The following MRPS5 variants were observed in gnomAD, a reference collection of about 807,000 sequenced individuals.
MRPS5 encodes the protein small ribosomal subunit protein uS5m.
Under a neutral mutation model 51.9 loss-of-function variants are expected in MRPS5, and 27 were observed. The ratio of observed to expected loss-of-function variants is 0.52; its 90% CI spans 0.38 to 0.72. The LOEUF is 0.72. MRPS5 is among the 30% of genes least tolerant of loss of function. The pLI, the probability that MRPS5 is intolerant of heterozygous loss-of-function variation, is 0.00. For missense variants in MRPS5, 570 were observed against 545.7 expected (o/e 1.04, Z -0.44); for synonymous variants, 196 against 193.2 (o/e 1.01, Z -0.12).
At chr2:95,121,384 A>C (rs1676443726) in intron 1 of MRPS5, among the ~76,000 whole-genome samples, 1 of 152,226 alleles carries the variant, frequency 6.6e-6, no homozygotes, top group South Asian at 2.1e-4. Context: ...CTGGACGACA[A>C]ACCCACGTCA....
At chr2:95,100,271 G>C (rs1675757971) in intron 10 of MRPS5, among the ~76,000 whole-genome samples, 1 of 152,204 alleles carries the variant, frequency 6.6e-6, no homozygotes, top group Non-Finnish European at 1.5e-5. Context: ...TCCTGGAACA[G>C]GCCTGTGCTC....
At chr2:95,103,301 T>C (rs1358446460) in intron 7 of MRPS5, among the ~76,000 whole-genome samples, 1 of 152,080 alleles carries the variant, frequency 6.6e-6, no homozygotes, top group East Asian at 1.9e-4. Context: ...GCAAAGCATA[T>C]AACGAACAGA....
At chr2:95,107,215 T>C (rs999663847) in intron 5 of MRPS5, among the ~76,000 whole-genome samples, 2 of 152,240 alleles carry the variant, frequency 1.3e-5, no homozygotes, top group Non-Finnish European at 2.9e-5. Context: ...CTACATTGGA[T>C]AATTTGAAGC....
At position 95,121,772 on chromosome 2, in the gene MRPS5, G is replaced by T; in HGVS notation, c.20C>A (p.Ala7Asp). Residue 7 changes from alanine (A) to aspartate (D), a missense_variant, in exon 1 of 12, where the codon GCT (alanine) becomes GAT (aspartate). Transcript: ENST00000272418. ...ACACAGCACGGGGAGGCAGCCCACA[G>T]CGCGCACCGCGGTCGCCATGCTGGA... MATAVR[A>D]VGCLPVLCSG... 6.4e-7 allele frequency: 1 copy of T among 1,552,232 alleles called. No individual in the cohort carries two copies. The highest frequency in any genetic ancestry group is 8.6e-7 in the Non-Finnish European group (1 of 1,158,476).
intron 8 of MRPS5, 88 bp from the exon 9 acceptor site, chr2:95,100,982 T>G (rs531926222): frequency 1.7e-6 from 2 of 1,172,908 alleles, no homozygotes; most frequent in South Asian, 1.4e-5. Flanking sequence ...AAATGTTTCA[T>G]TATCAAAAAT....
intron 5 of MRPS5, 80 bp downstream of exon 5, chr2:95,108,095 A>C: frequency 8.1e-7 from 1 of 1,238,730 alleles, no homozygotes; most frequent in South Asian, 1.2e-5. Context: ...TAAACAGACA[A>C]GTAATAACAC....
intron 11 of MRPS5, among the ~76,000 whole-genome samples, chr2:95,088,120 T>G (rs568236931): frequency 5.5e-4 from 83 of 151,816 alleles, no homozygotes; most frequent in African/African-American, 2.0e-3. Flanking sequence ...TCAAACACAT[T>G]GTGTAAAAAA....
chr2:95,089,727 A>G (rs1675402471), intron 11 of MRPS5, among the ~76,000 whole-genome samples: 1 of 152,196 alleles, frequency 6.6e-6, no homozygotes, highest in South Asian at 2.1e-4. Context: ...CCCCAACTGA[A>G]AGGACTAAAT....
At chr2:95,093,009 G>A (rs897271816) in intron 10 of MRPS5, 3 of 152,256 alleles carry the variant, frequency 2.0e-5, no homozygotes, top group African/African-American at 7.2e-5. Context: ...CCTAAATACT[G>A]TGTCTTTCCA....
chr2:95,103,076 G>A lies in MRPS5; in HGVS notation c.764-1353C>T, dbSNP rs189597822. Among the ~76,000 whole-genome samples the A allele has an allele frequency of 4.6e-3, 693 of 152,230 alleles. 3 individuals carry two copies. Among genetic ancestry groups the A allele is most frequent in the Middle Eastern group, 0.014 (4 of 294 alleles). ...ACTAACATTTACAATCTTCAAATGA[G>A]GCTTTCTAAGCAAGACACAAACCCG... On this transcript the variant is annotated intron_variant, in intron 7 of 11. Coordinates refer to ENST00000272418, the MANE Select transcript of MRPS5 (RefSeq NM_031902.5).
chr2:95,117,719 T>C, intron 2 of MRPS5, 146 bp downstream of exon 2: 1 of 650,056 alleles, frequency 1.5e-6, no homozygotes, highest in Non-Finnish European at 2.7e-6. Context: ...AATGTGATTA[T>C]TGCAGTAAGA....
intron 10 of MRPS5, among the ~76,000 whole-genome samples, chr2:95,100,273 C>T (rs1225107363): frequency 1.3e-5 from 2 of 152,214 alleles, no homozygotes; most frequent in Admixed American, 1.3e-4. Flanking sequence ...CTGGAACAGG[C>T]CTGTGCTCAC....
chr2:95,092,902 A>T (rs957306668), intron 10 of MRPS5: 1 of 152,240 alleles, frequency 6.6e-6, no homozygotes, highest in Non-Finnish European at 1.5e-5. Context: ...AGGGCAGGGC[A>T]TCGCCTCACC....
At position 95,098,921 on chromosome 2, in the gene MRPS5, AT is replaced by A. The variant is rs772096630; in HGVS notation, c.931+1552del. On this transcript the variant is annotated intron_variant, in intron 10 of 11. Transcript: ENST00000272418. ...AGAAATAAAAATTATTATTATTATT[AT>A]TTTTTTTTTTTTTTTGAGACTAGTC... 7.1e-3 allele frequency among the ~76,000 whole-genome samples: 998 copies of A among 141,086 alleles called. 8 individuals carry two copies. The highest frequency in any genetic ancestry group is 0.022 in the African/African-American group (840 of 38,246). 92.6% of individuals were successfully genotyped at this position (141,086 alleles called of 152,430 possible).
At chr2:95,098,001 A>G (rs913841948) in intron 10 of MRPS5, among the ~76,000 whole-genome samples, 2 of 152,244 alleles carry the variant, frequency 1.3e-5, no homozygotes, top group Non-Finnish European at 2.9e-5. Flanking sequence ...CAAATTTACA[A>G]GAAAAAATCA....
At chr2:95,096,606 G>A (rs1284480637) in intron 10 of MRPS5, among the ~76,000 whole-genome samples, 1 of 152,118 alleles carries the variant, frequency 6.6e-6, no homozygotes, top group Non-Finnish European at 1.5e-5. Context: ...TATCTCAATA[G>A]ATGCAGAAAA....
rs751750305 is a variant in MRPS5 at position 95,100,479 on chromosome 2, G to T, written c.926C>A (p.Pro309His). ...KRTHIKMKKQPKGYGLRCHRA... is the reference protein window; with the variant it reads ...KRTHIKMKKQHKGYGLRCHRA... Reference sequence around the variant, plus strand: ...GGTAAGAGTTTTAAAGTTACCTTTGGGTTGTTTCTTCATCTTGATATGCGT... The same window carrying T: ...GGTAAGAGTTTTAAAGTTACCTTTGTGTTGTTTCTTCATCTTGATATGCGT... Residue 309 changes from proline (P) to histidine (H), a missense_variant, in exon 10 of 12, where the codon CCC (proline) becomes CAC (histidine). By Grantham distance (77) the Pro-to-His change is moderately conservative (BLOSUM62 -2). Transcript: ENST00000272418. 2 of 1,600,794 alleles carry T rather than the reference G, an allele frequency of 1.2e-6. No individual in the cohort carries two copies. The highest frequency in any genetic ancestry group is 1.7e-6 in the Non-Finnish European group (2 of 1,168,420).
intron 3 of MRPS5, among the ~76,000 whole-genome samples, chr2:95,113,337 G>A (rs1231400979): frequency 9.2e-5 from 14 of 151,964 alleles, no homozygotes; most frequent in Admixed American, 4.6e-4. Context: ...TTAGCTGGGC[G>A]TGGTGGCACG....
intron 4 of MRPS5, among the ~76,000 whole-genome samples, chr2:95,109,590 T>TTA (rs1676055342): frequency 1.3e-5 from 2 of 152,284 alleles, no homozygotes; most frequent in South Asian, 4.1e-4. Flanking sequence ...AAACATTTAC[T>TTA]ATCTTCCCTT....
Sources: gnomAD v4.1 joint callset for allele counts (sites outside exome capture counted in the v4.1 genomes callset) on GRCh38, gnomAD v4.1.1 for gene constraint, MANE v1.5 for transcripts, NCBI Gene and HGNC (gene_info 2026-07-23, HGNC 2026-07-21) for gene names.